JAK1: variants seen among roughly 807,000 people sequenced by gnomAD.
JAK1 encodes the protein Janus kinase 1, also known as tyrosine-protein kinase JAK1.
Under a neutral mutation model 136.6 loss-of-function variants are expected in JAK1, and 16 were observed. That is an observed-to-expected ratio of 0.12 (90% CI 0.08 to 0.18). The LOEUF is 0.18. JAK1 is among the 10% of genes least tolerant of loss of function. JAK1 has a pLI of 1.00. For missense variants in JAK1, 859 were observed against 1,450.1 expected (o/e 0.59, Z 6.62); for synonymous variants, 492 against 519.5 (o/e 0.95, Z 0.72).
chr1:64,886,170 C>A, intron 2 of JAK1, 89 bp downstream of exon 2: 2 of 806,832 alleles, frequency 2.5e-6, no homozygotes. Context: ...GCAATAGCAC[C>A]AATAGCCCTA....
intron 2 of JAK1, among the ~76,000 whole-genome samples, chr1:65,004,333 G>A (rs893236763): frequency 6.6e-6 from 1 of 152,202 alleles, no homozygotes; most frequent in African/African-American, 2.4e-5. Flanking sequence ...GCTTCTCCAA[G>A]ATGATATGGA....
At chr1:64,998,838 A>T (rs1375350443) in intron 2 of JAK1, among the ~76,000 whole-genome samples, 1 of 152,214 alleles carries the variant, frequency 6.6e-6, no homozygotes, top group Non-Finnish European at 1.5e-5. Context: ...CTCCCCAGCC[A>T]TGTGGAACTT....
intron 9 of JAK1, among the ~76,000 whole-genome samples, chr1:64,858,424 G>A (rs768534399): frequency 4.6e-5 from 7 of 152,204 alleles, no homozygotes; most frequent in Non-Finnish European, 1.0e-4. Context: ...GGGACATTGT[G>A]TACTTTCTAA....
chr1:64,917,113 A>G (rs916881431), intron 1 of JAK1, among the ~76,000 whole-genome samples: 9 of 152,110 alleles, frequency 5.9e-5, no homozygotes, highest in Middle Eastern at 3.4e-3. Flanking sequence ...ATTTCATAAC[A>G]TTGGAAACAA....
At chr1:65,006,822 C>G (rs750518406) in intron 2 of JAK1, among the ~76,000 whole-genome samples, 2 of 152,028 alleles carry the variant, frequency 1.3e-5, no homozygotes, top group African/African-American at 2.4e-5. Flanking sequence ...GTTGATTCAT[C>G]CAGACATTAT....
chr1:64,928,342 GAAAGATTCCAGAAC>G (rs1645618287), intron 1 of JAK1, among the ~76,000 whole-genome samples: 1 of 152,162 alleles, frequency 6.6e-6, no homozygotes, highest in Admixed American at 6.5e-5. Context: ...AAGGTGATGA[GAAAGATTCCAGAAC>G]AAAGAATACT....
At chr1:64,871,631 C>T (rs1557652122) in intron 5 of JAK1, among the ~76,000 whole-genome samples, 2 of 152,200 alleles carry the variant, frequency 1.3e-5, no homozygotes. Context: ...CGACATCACC[C>T]AAAACAGAAA....
intron 2 of JAK1, among the ~76,000 whole-genome samples, chr1:65,022,314 T>A (rs181694289): frequency 6.6e-6 from 1 of 152,236 alleles, no homozygotes; most frequent in South Asian, 2.1e-4. Flanking sequence ...TTTATTTTTT[T>A]ATTTTTTCTT....
chr1:64,921,103 G>C (rs779432208), intron 1 of JAK1, among the ~76,000 whole-genome samples: 9 of 152,128 alleles, frequency 5.9e-5, no homozygotes, highest in Non-Finnish European at 7.4e-5. Flanking sequence ...CCATTTTTCA[G>C]AGTAACTCAT....
At chr1:64,850,976 C>G in intron 11 of JAK1, 66 bp from the exon 12 acceptor site, 2 of 1,119,526 alleles carry the variant, frequency 1.8e-6, no homozygotes, top group Non-Finnish European at 2.7e-6. Flanking sequence ...CAGCCAACGT[C>G]TGCTGAGCCG....
chr1:64,847,453 G>A (rs1655309302), intron 13 of JAK1, 79 bp downstream of exon 13: 2 of 1,539,536 alleles, frequency 1.3e-6, no homozygotes, highest in East Asian at 2.3e-5. Context: ...GAAGGGCAAG[G>A]GTTCTTCTCA....
chr1:64,924,289 G>A (rs556475921), intron 1 of JAK1, among the ~76,000 whole-genome samples: 5 of 152,230 alleles, frequency 3.3e-5, no homozygotes, highest in South Asian at 2.1e-4. Context: ...CAAAAAGTCC[G>A]TTACATAAAA....
chr1:65,059,504 A>T (rs1379141011), intron 1 of JAK1, among the ~76,000 whole-genome samples: 1 of 152,184 alleles, frequency 6.6e-6, no homozygotes, highest in Non-Finnish European at 1.5e-5. Flanking sequence ...GTTTATGTCA[A>T]TTCTATACCT....
rs750567693 is a variant in JAK1, at chr1:64,841,324, G to A, written c.2570C>T (p.Ser857Leu). 6.2e-7 allele frequency: 1 copy of A among 1,613,774 alleles called. No individual in the cohort carries two copies. The highest frequency in any genetic ancestry group is 8.5e-7 in the Non-Finnish European group (1 of 1,179,768). ...KLEEQNPDIV[S>L]EKKPATEVDP... ...CACTTCAGTTGCTGGTTTTTTTTCT[G>A]AAACAATATCTGGATCTAACAGAAG... Residue 857 changes from serine (S) to leucine (L), a missense_variant, in exon 19 of 25, where the codon TCA becomes TTA. Ser to Leu is a moderately radical substitution (Grantham distance 145, BLOSUM62 -2). This residue lies in a region of JAK1 where 409 missense variants were observed against 753.8 expected (regional missense o/e 0.54). Transcript: ENST00000342505.
chr1:65,049,265 A>G (rs1214168018), intron 1 of JAK1, among the ~76,000 whole-genome samples: 3 of 152,128 alleles, frequency 2.0e-5, no homozygotes, highest in South Asian at 2.1e-4. Context: ...CTACAGAAAA[A>G]TTTAAAAATC....
intron 3 of JAK1, among the ~76,000 whole-genome samples, chr1:64,880,469 C>T (rs1382676004): frequency 6.6e-6 from 1 of 152,120 alleles, no homozygotes; most frequent in African/African-American, 2.4e-5. Flanking sequence ...GAATGTGCAC[C>T]AACACTTACA....
intron 1 of JAK1, among the ~76,000 whole-genome samples, chr1:64,955,477 A>C (rs1403319707): frequency 6.6e-6 from 1 of 152,260 alleles, no homozygotes; most frequent in African/African-American, 2.4e-5. Flanking sequence ...AAGCATGGGA[A>C]ACATTGAAAG....
chr1:65,012,296 C>T (rs1404274393), intron 2 of JAK1, among the ~76,000 whole-genome samples: 2 of 152,074 alleles, frequency 1.3e-5, no homozygotes, highest in South Asian at 2.1e-4. Context: ...CTAGGAAATA[C>T]CCCAGCTACT....
intron 1 of JAK1, among the ~76,000 whole-genome samples, chr1:64,903,021 C>T (rs1031061298): frequency 1.3e-5 from 2 of 152,108 alleles, no homozygotes; most frequent in Non-Finnish European, 2.9e-5. Flanking sequence ...ATGGATGCTG[C>T]CAACATGGTT....
Sources: allele counts gnomAD v4.1 joint callset (sites outside exome capture counted in the v4.1 genomes callset), GRCh38; gene constraint gnomAD v4.1.1; regional missense constraint gnomAD v4.1.1; transcripts MANE v1.5; gene names NCBI Gene and HGNC (gene_info 2026-07-23, HGNC 2026-07-21).